The following CUX1 variants were observed in gnomAD, a reference collection of about 807,000 sequenced individuals.
CUX1 encodes cut like homeobox 1.
CUX1 carries 31 observed loss-of-function variants against 158.8 expected under a neutral mutation model. The observed-to-expected ratio is 0.20, with a 90% confidence interval of 0.15 to 0.26. The LOEUF (loss-of-function observed/expected upper bound fraction) is 0.26, where lower values mean the gene tolerates loss of function less well. Ranked by LOEUF, CUX1 falls within the 10% of genes least tolerant of loss-of-function variation. CUX1 has a pLI of 1.00. For missense variants in CUX1, 1,589 were observed against 2,014.6 expected (o/e 0.79, Z 4.04); for synonymous variants, 879 against 862.1 (o/e 1.02, Z -0.34).
At chr7:102,046,138 G>A (rs966006640) in intron 3 of CUX1, among the ~76,000 whole-genome samples, 6 of 152,230 alleles carry the variant, frequency 3.9e-5, no homozygotes, top group African/African-American at 1.4e-4. Flanking sequence ...GTGGGTTGCA[G>A]GTAAGGAAAT....
intron 17 of CUX1, among the ~76,000 whole-genome samples, chr7:102,275,979 T>A (rs1586526278): frequency 6.7e-6 from 1 of 148,460 alleles, no homozygotes; most frequent in East Asian, 2.0e-4. Context: ...GCCACTGCAC[T>A]CCAGCCTGTG....
intron 4 of CUX1, among the ~76,000 whole-genome samples, chr7:102,087,845 GTGT>G (rs1828109346): frequency 6.6e-6 from 1 of 151,978 alleles, no homozygotes; most frequent in Non-Finnish European, 1.5e-5. Flanking sequence ...ACCATTTCCA[GTGT>G]TGTTTATTCC....
chr7:101,839,163 A>G (rs1794939529), intron 1 of CUX1, among the ~76,000 whole-genome samples: 1 of 152,184 alleles, frequency 6.6e-6, no homozygotes, highest in Non-Finnish European at 1.5e-5. Context: ...ACCTCCAAGT[A>G]CCATCATATT....
rs1801507582 is a variant in CUX1, at chr7:102,251,577, G to A, written c.*2535G>A. ...AACTTGAAATCCAGTTCAGGGAGAA[G>A]AGAATTCAAAATTAGAGGAGCTTAA... is the stretch of plus-strand genomic sequence containing the variant. On this transcript the variant is annotated 3_prime_UTR_variant, in exon 24 of 24. Coordinates refer to ENST00000292535, the MANE Select transcript of CUX1 (RefSeq NM_181552.4). 3 of 985,414 alleles carry A rather than the reference G, an allele frequency of 3.0e-6. No individual in the cohort carries two copies. The highest frequency in any genetic ancestry group is 3.6e-6 in the Non-Finnish European group (3 of 829,940). 61.0% of individuals were successfully genotyped at this position (985,414 alleles called of 1,614,324 possible). A position where few individuals can be genotyped will look rare whatever the true frequency, so the allele number is the denominator to read the frequency against.
intron 8 of CUX1, among the ~76,000 whole-genome samples, chr7:102,132,221 G>C (rs1220850365): frequency 6.6e-6 from 1 of 151,498 alleles, no homozygotes; most frequent in Admixed American, 6.6e-5. Context: ...TAGATGGATG[G>C]ATGGACAGAC....
At chr7:102,094,525 G>A (rs528576110) in intron 4 of CUX1, among the ~76,000 whole-genome samples, 1 of 152,180 alleles carries the variant, frequency 6.6e-6, no homozygotes, top group South Asian at 2.1e-4. Context: ...TTGCTTAACC[G>A]CATGGGAGAA....
At chr7:102,221,323 T>TA (rs1797771680) in intron 20 of CUX1, among the ~76,000 whole-genome samples, 1 of 152,232 alleles carries the variant, frequency 6.6e-6, no homozygotes, top group African/African-American at 2.4e-5. Flanking sequence ...AAATGTCACT[T>TA]ACAATAATTA....
rs782085223 is a variant in CUX1 at position 102,274,249 on chromosome 7, C to T, written c.1389C>T (p.Ala463=). Residue 463 remains alanine, a synonymous_variant, in exon 16 of 23, where the codon GCC becomes GCT. Transcript: ENST00000292538. ...TCGCTTCCTGTCACCTGCAGGGTGC[C>T]GCTGAGCACCGCCTGGAGAAGATCC... 2.8e-5 allele frequency: 45 copies of T among 1,613,224 alleles called. No homozygotes were observed. The Middle Eastern group carries it at 6.6e-4, about 24-fold the overall frequency.
At chr7:101,829,503 G>A (rs1185381103) in intron 1 of CUX1, among the ~76,000 whole-genome samples, 1 of 152,114 alleles carries the variant, frequency 6.6e-6, no homozygotes, top group Non-Finnish European at 1.5e-5. Context: ...GTTACATCCC[G>A]GACTTTGCTG....
intron 21 of CUX1, among the ~76,000 whole-genome samples, chr7:102,231,329 CTTT>C (rs11335871): frequency 6.8e-6 from 1 of 148,076 alleles, no homozygotes. Flanking sequence ...TGCGCCCAGC[CTTT>C]TTTTTTTTTT....
chr7:102,116,017 C>T (rs141982037), intron 8 of CUX1, among the ~76,000 whole-genome samples: 104 of 152,300 alleles, frequency 6.8e-4, no homozygotes, highest in East Asian at 1.7e-3. Flanking sequence ...AACACACACG[C>T]GTGCTTACTG....
intron 9 of CUX1, among the ~76,000 whole-genome samples, chr7:102,168,908 C>CTTTTTT (rs1563341626): frequency 3.3e-5 from 4 of 121,974 alleles, no homozygotes; most frequent in Non-Finnish European, 5.0e-5. Flanking sequence ...CTTTTCTTTT[C>CTTTTTT]TTTTATTTTC....
chr7:102,167,382 C>G (rs1410034002), intron 9 of CUX1, among the ~76,000 whole-genome samples: 1 of 152,202 alleles, frequency 6.6e-6, no homozygotes, highest in African/African-American at 2.4e-5. Context: ...GAGATGGTAT[C>G]CGCTCTGAAC....
At chr7:102,149,616 G>A (rs892142225) in intron 8 of CUX1, among the ~76,000 whole-genome samples, 4 of 152,192 alleles carry the variant, frequency 2.6e-5, no homozygotes, top group Non-Finnish European at 5.9e-5. Context: ...TGGGCCCATC[G>A]CCATCAGGGC....
chr7:102,257,319 AT>A lies in CUX1; in HGVS notation c.*8282del. ...CTCCCCAGAAGCCTTTTTTTTTTTCATTTTTCTCTAATTAGTCTATGCATTT... is the reference window on the plus strand; with the variant it reads ...CTCCCCAGAAGCCTTTTTTTTTTTCATTTTCTCTAATTAGTCTATGCATTT... On this transcript the variant is annotated 3_prime_UTR_variant, in exon 24 of 24. Transcript: ENST00000292535. 1 of 968,452 alleles carries A rather than the reference AT, an allele frequency of 1.0e-6. No homozygotes were observed. Among genetic ancestry groups the A allele is most frequent in the Non-Finnish European group, 1.2e-6 (1 of 822,832 alleles). The allele number at this position is 968,452 out of a possible 1,614,324, so 60.0% of individuals were successfully genotyped here.
At chr7:102,112,624 C>T (rs1362911328) in intron 7 of CUX1, among the ~76,000 whole-genome samples, 1 of 151,428 alleles carries the variant, frequency 6.6e-6, no homozygotes, top group Admixed American at 6.6e-5. Flanking sequence ...GGCTGGGGTG[C>T]AGTGGTGTGA....
At chr7:102,029,015 CAG>C (rs1820402143) in intron 3 of CUX1, among the ~76,000 whole-genome samples, 1 of 126,186 alleles carries the variant, frequency 7.9e-6, no homozygotes. Context: ...TTTTTGGCGA[CAG>C]AGTCTTGCCC....
intron 3 of CUX1, among the ~76,000 whole-genome samples, chr7:102,066,782 G>A (rs530246322): frequency 2.6e-5 from 4 of 152,280 alleles, no homozygotes; most frequent in East Asian, 3.9e-4. Context: ...CTCCAAATCC[G>A]TTGCTTACTC....
At chr7:102,127,573 G>GT (rs1410079983) in intron 8 of CUX1, among the ~76,000 whole-genome samples, 1 of 107,360 alleles carries the variant, frequency 9.3e-6, no homozygotes, top group Non-Finnish European at 2.1e-5. Flanking sequence ...TTTGTTTTTT[G>GT]TTTTTGTTTT....
Sources: gnomAD v4.1 joint callset for allele counts (sites outside exome capture counted in the v4.1 genomes callset) on GRCh38, gnomAD v4.1.1 for gene constraint, MANE v1.5 for transcripts, NCBI Gene and HGNC (gene_info 2026-07-23, HGNC 2026-07-21) for gene names.